PIEZO1: variants seen among roughly 807,000 people sequenced by gnomAD.
The protein encoded by PIEZO1 is piezo-type mechanosensitive ion channel component 1.
A neutral mutation model predicts 297.2 loss-of-function variants in PIEZO1; 296 were observed. The ratio of observed to expected loss-of-function variants is 1.00; its 90% confidence interval spans 0.91 to 1.10. The LOEUF (loss-of-function observed/expected upper bound fraction) is 1.10. Ranked by LOEUF, PIEZO1 falls within the 50% of genes least tolerant of loss-of-function variation. PIEZO1 has a pLI of 0.00. For missense variants in PIEZO1, 5,018 were observed against 3,455.5 expected (o/e 1.45, Z -11.34); for synonymous variants, 2,427 against 1,507.5 (o/e 1.61, Z -14.13).
Position 88,727,731 on chromosome 16 carries a change from G to A in PIEZO1, c.3197-70C>T, listed in dbSNP as rs538427340. The A allele has an allele frequency of 8.4e-5, 58 of 688,682 alleles. No homozygotes were observed. The East Asian group carries it at 1.1e-3, about 13-fold the overall frequency. 42.7% of individuals were successfully genotyped at this position (688,682 alleles called of 1,614,324 possible). A position where few individuals can be genotyped will look rare whatever the true frequency, so the allele number is the denominator to read the frequency against. ...GGCCTGAGACACCCGGTCCCCACCC[G>A]TTGACCCGAGTCTATCACCAGCCCT... On this transcript the variant is annotated intron_variant, in intron 22 of 50. Transcript: ENST00000301015.
chr16:88,736,977 G>C, intron 10 of PIEZO1: 1 of 431,984 alleles, frequency 2.3e-6, no homozygotes, highest in Non-Finnish European at 4.2e-6. Flanking sequence ...GGGTGGGAAA[G>C]GTGGCCCTGA....
chr16:88,727,548 G>A lies in PIEZO1; in HGVS notation c.3301+9C>T, dbSNP rs1391133262. On this transcript the variant is annotated intron_variant, in intron 23 of 50. Coordinates refer to ENST00000301015, the MANE Select transcript of PIEZO1 (RefSeq NM_001142864.4). ...CTCTGCAGAGGCGGGGGTGGTGGGG[G>A]GCACTCACTGATGAGGTTGGTGGAG... 24 of 1,191,608 alleles carry A rather than the reference G, an allele frequency of 2.0e-5. No individual in the cohort carries two copies. The highest frequency in any genetic ancestry group is 7.0e-5 in the Admixed American group (3 of 42,556). 73.8% of individuals were successfully genotyped at this position (1,191,608 alleles called of 1,614,324 possible).
chr16:88,743,825 C>T lies in PIEZO1; in HGVS notation c.161-1403G>A, dbSNP rs921238557. On this transcript the variant is annotated intron_variant, in intron 2 of 50. Coordinates refer to ENST00000301015, the MANE Select transcript of PIEZO1 (RefSeq NM_001142864.4). ...CACACCTTCCTAGGGTTGCCCCAGG[C>T]CCTGACCTGCTGACCCTGCAGCTAT... 8.0e-5 allele frequency: 29 copies of T among 363,688 alleles called. No homozygotes were observed. In the Admixed American group the frequency reaches 9.9e-4, roughly 12 times the overall value. 22.5% of individuals were successfully genotyped at this position (363,688 alleles called of 1,614,324 possible).
At position 88,724,947 on chromosome 16, in the gene PIEZO1, G is replaced by A. The variant is rs888682154; in HGVS notation, c.4234+62C>T. On this transcript the variant is annotated intron_variant, in intron 30 of 50. Coordinates refer to ENST00000301015, the MANE Select transcript of PIEZO1 (RefSeq NM_001142864.4). ...GGAGGGGAAGATAGCAGGCCAGGCA[G>A]AGGACAGATGGGGGCACAGAGGGCC... The A allele has an allele frequency of 3.8e-6, 4 of 1,064,180 alleles. No homozygotes were observed. The Admixed American group carries it at 1.1e-4, about 28-fold the overall frequency. 65.9% of individuals were successfully genotyped at this position (1,064,180 alleles called of 1,614,324 possible).
At chr16:88,736,440 AGC>A (rs1905223119) in intron 11 of PIEZO1, 32 bp from the exon 12 acceptor site, 5 of 1,514,308 alleles carry the variant, frequency 3.3e-6, no homozygotes, top group African/African-American at 2.9e-5. Context: ...ACAGCTGCCC[AGC>A]GCACCCCACC....
chr16:88,768,596 C>A (rs768615721), intron 1 of PIEZO1, among the ~76,000 whole-genome samples: 1 of 152,214 alleles, frequency 6.6e-6, no homozygotes, highest in Non-Finnish European at 1.5e-5. Context: ...AGGTTGTGGG[C>A]GGGGGCTCCC....
chr16:88,784,932 G>C lies in PIEZO1; in HGVS notation c.33C>G (p.Tyr11Ter). 7.1e-7 allele frequency: 1 copy of C among 1,414,564 alleles called. No homozygotes were observed. Among genetic ancestry groups the C allele is most frequent in the Non-Finnish European group, 9.3e-7 (1 of 1,079,152 alleles). The allele number at this position is 1,414,564 out of a possible 1,614,324, so 87.6% of individuals were successfully genotyped here. A position where few individuals can be genotyped will look rare whatever the true frequency, so the allele number is the denominator to read the frequency against. ...GCAGCGCGCAGGGCAGCAGCAGCCA[G>C]TACAGGACCGCGCCGAGCACGTGCG... MEPHVLGAVL[Y>*]WLLLPCALLA... is the part of the protein sequence containing the mutation. Residue 11 changes from tyrosine (Y) to a stop codon, truncating the protein, a stop_gained, in exon 1 of 51, where the codon TAC (tyrosine) becomes TAG (stop). Coordinates refer to ENST00000301015, the MANE Select transcript of PIEZO1 (RefSeq NM_001142864.4). LOFTEE classifies it high-confidence loss of function.
At position 88,726,697 on chromosome 16, in the gene PIEZO1, G is replaced by T. The variant is rs765669570; in HGVS notation, c.3699+18C>A. 248 of 1,547,710 alleles carry T rather than the reference G, an allele frequency of 1.6e-4. No individual in the cohort carries two copies. Among genetic ancestry groups the T allele is most frequent in the Non-Finnish European group, 1.8e-4 (204 of 1,145,048 alleles). On this transcript the variant is annotated intron_variant, in intron 25 of 50. Transcript: ENST00000301015. ...GCGGGGCCCCAGGGCGGTGGGTGCG[G>T]GGGGGCCGGAGGCTCACCGACAGCA...
intron 10 of PIEZO1, 37 bp downstream of exon 10, chr16:88,737,522 C>G (rs1381610875): frequency 1.4e-6 from 2 of 1,436,882 alleles, no homozygotes; most frequent in African/African-American, 1.4e-5. Flanking sequence ...GCCCCGCCCC[C>G]CGCACCCAGC....
Position 88,722,994 on chromosome 16 carries a change from A to G in PIEZO1, c.4511T>C (p.Val1504Ala), listed in dbSNP as rs1904293148. 2 of 1,546,266 alleles carry G rather than the reference A, an allele frequency of 1.3e-6. No individual in the cohort carries two copies. Among genetic ancestry groups the G allele is most frequent in the East Asian group, 2.4e-5 (1 of 40,880 alleles). The change falls in exon 34 of 51, where the codon GTG becomes GCG. Residue 1504 changes from valine (V) to alanine (A), a missense_variant. Val to Ala is a moderately conservative substitution (Grantham distance 64). Coordinates refer to ENST00000301015, the MANE Select transcript of PIEZO1 (RefSeq NM_001142864.4). ...EEAAAGRSHV[V>A]QRVLSTAQFL... ...CTGCGCCGTGCTCAGCACCCTCTGC[A>G]CCACATGGCTCCGGCCTGCGGGAGG...
intron 2 of PIEZO1, 104 bp from the exon 3 acceptor site, chr16:88,742,526 GC>G (rs1905753345): frequency 8.1e-7 from 1 of 1,237,934 alleles, no homozygotes; most frequent in Admixed American, 2.7e-5. Flanking sequence ...GAGCCCAGAG[GC>G]CTGAGATGCA....
Position 88,784,985 on chromosome 16 carries a change from G to A in PIEZO1, c.-21C>T, listed in dbSNP as rs970793394. On this transcript the variant is annotated 5_prime_UTR_variant, in exon 1 of 51. Transcript: ENST00000301015. ...TCCATGGCTGGAGGGCCCAGGGCCC[G>A]GCCCAGACCGAGCGGACGCCGCGGC... 3 of 1,244,570 alleles carry A rather than the reference G, an allele frequency of 2.4e-6. No homozygotes were observed. The highest frequency in any genetic ancestry group is 3.0e-6 in the Non-Finnish European group (3 of 989,798). 77.1% of individuals were successfully genotyped at this position (1,244,570 alleles called of 1,614,324 possible).
intron 27 of PIEZO1, chr16:88,726,049 C>T (rs1350922488): frequency 1.7e-6 from 1 of 575,200 alleles, no homozygotes; most frequent in African/African-American, 1.9e-5. Flanking sequence ...GGGGGTGAGA[C>T]ACCAGCCACC....
intron 22 of PIEZO1, among the ~76,000 whole-genome samples, chr16:88,730,913 C>T (rs894648795): frequency 4.6e-5 from 7 of 152,358 alleles, no homozygotes; most frequent in Non-Finnish European, 7.3e-5. Context: ...AAGTCTGTTT[C>T]GTAAAACCAC....
At chr16:88,720,558 G>A (rs1401507891) in intron 40 of PIEZO1, 26 bp from the exon 41 acceptor site, 5 of 1,547,626 alleles carry the variant, frequency 3.2e-6, no homozygotes, top group East Asian at 2.4e-5. Flanking sequence ...CTCAGCCTGG[G>A]CCCAGTACCC....
In PIEZO1 at chr16:88,723,276, TGCCGCC is replaced by T. The variant is rs759270131; in HGVS notation, c.4382_4387del (p.Arg1461_Arg1462del). On this transcript the variant is annotated inframe_deletion, in exon 32 of 51. Transcript: ENST00000301015. ...CTGCCTTGCCTGCTCCTGCTCCTGCTGCCGCCGCCTCAGCACCGCCTGGGCGTTGGT... is the reference window on the plus strand; with the variant it reads ...CTGCCTTGCCTGCTCCTGCTCCTGCTGCCTCAGCACCGCCTGGGCGTTGGT... The T allele has an allele frequency of 5.9e-5, 91 of 1,542,742 alleles. No individual in the cohort carries two copies. Among genetic ancestry groups the T allele is most frequent in the Admixed American group, 9.8e-5 (5 of 51,004 alleles).
At position 88,737,745 on chromosome 16, in the gene PIEZO1, C is replaced by T. The variant is rs1266252311; in HGVS notation, c.1090G>A (p.Glu364Lys). 6.5e-7 allele frequency: 1 copy of T among 1,535,760 alleles called. No individual in the cohort carries two copies. The highest frequency in any genetic ancestry group is 8.7e-7 in the Non-Finnish European group (1 of 1,146,722). Residue 364 changes from glutamate (E) to lysine (K), a missense_variant, in exon 9 of 51, where the codon GAA becomes AAA. Physicochemically the swap from Glu to Lys is moderately conservative, Grantham distance 56. Coordinates refer to ENST00000301015, the MANE Select transcript of PIEZO1 (RefSeq NM_001142864.4). ...ELAELDQWPQ[E>K]RESDQHVVPT... ...CTGCTCACCTGGTCAGACTCCCGTT[C>T]CTGGGGCCACTGGTCCAGCTCTGCT...
intron 29 of PIEZO1, 39 bp downstream of exon 29, chr16:88,725,377 G>T: frequency 8.2e-7 from 1 of 1,223,082 alleles, no homozygotes; most frequent in Non-Finnish European, 1.1e-6. Flanking sequence ...AGACATGCTG[G>T]ACACGGGGCC....
At position 88,734,523 on chromosome 16, in the gene PIEZO1, G is replaced by T; in HGVS notation, c.2013C>A (p.Gly671=). 6.5e-7 allele frequency: 1 copy of T among 1,544,064 alleles called. No individual in the cohort carries two copies. Among genetic ancestry groups the T allele is most frequent in the Non-Finnish European group, 8.7e-7 (1 of 1,143,360 alleles). The change falls in exon 16 of 51, where the codon GGC becomes GGA. Residue 671 remains glycine (G), a synonymous_variant. Transcript: ENST00000301015. ...GCTCGGACACGCTGAACTGCTCCAG[G>T]CCCAGGTCCCCCAGCCTGTGGAGGG... The part of the protein sequence containing the change: ...GFTDEQLGDL[G]LEQFSVSELF...
Sources: allele counts gnomAD v4.1 joint callset (sites outside exome capture counted in the v4.1 genomes callset), GRCh38; gene constraint gnomAD v4.1.1; transcripts MANE v1.5; gene names NCBI Gene and HGNC (gene_info 2026-07-23, HGNC 2026-07-21).